Variants in ZNF599 observed in about 807,000 individuals in gnomAD.
ZNF599 encodes zinc finger protein 599.
ZNF599 carries 10 observed loss-of-function variants against 11.7 expected under a neutral mutation model. That is an observed-to-expected ratio of 0.86 (90% CI 0.53 to 1.45). ZNF599 has a LOEUF of 1.45. Ranked by LOEUF, ZNF599 falls within the 40% of genes most tolerant of loss-of-function variation. The probability of loss-of-function intolerance (pLI) is 0.00; values close to 1 mark genes in which losing one functional copy is unlikely to be tolerated. For synonymous variants in ZNF599, 232 were observed against 253.2 expected (o/e 0.92, Z 0.79); for missense variants, 688 against 713.6 (o/e 0.96, Z 0.41).
chr19:34,799,348 A>T, the ZNF599 span, among the ~76,000 whole-genome samples: 10 of 152,238 alleles, frequency 6.6e-5, no homozygotes, highest in African/African-American at 2.4e-4. Flanking sequence ...TCACTTAGCA[A>T]TATGTGTGTA....
chr19:34,768,456 A>G (rs2069159241), intron 2 of ZNF599, among the ~76,000 whole-genome samples: 1 of 152,260 alleles, frequency 6.6e-6, no homozygotes, highest in Non-Finnish European at 1.5e-5. Context: ...AACAACTGGA[A>G]TAAGTGAGAC....
At chr19:34,780,881 G>A in the ZNF599 span, among the ~76,000 whole-genome samples, 1 of 152,254 alleles carries the variant, frequency 6.6e-6, no homozygotes. Context: ...AAGGGGCCGG[G>A]TGCGGTGGTT....
the ZNF599 span, chr19:34,791,922 A>G: frequency 2.0e-5 from 3 of 152,258 alleles, no homozygotes; most frequent in African/African-American, 7.2e-5. Flanking sequence ...TACCCTGATC[A>G]TGGAGAAATA....
chr19:34,769,493 G>A lies in ZNF599; in HGVS notation c.81C>T (p.Asp27=), dbSNP rs761480261. 1.2e-6 allele frequency: 2 copies of A among 1,614,198 alleles called. No individual in the cohort carries two copies. The highest frequency in any genetic ancestry group is 8.5e-7 in the Non-Finnish European group (1 of 1,180,018). The change falls in exon 2 of 4, where the codon GAC becomes GAT. Residue 27 remains aspartate, a synonymous_variant. Coordinates refer to ENST00000329285, the MANE Select transcript of ZNF599 (RefSeq NM_001007248.3). The part of the protein sequence containing the change: ...TFTGEEWGHL[D]LAQRTLYQEV... The stretch of plus-strand genomic sequence containing the variant: ...CCTGGTACAGGGTCCTCTGGGCCAG[G>A]TCCAGGTGCCCCCATTCCTCTCCAG...
intron 1 of ZNF599, among the ~76,000 whole-genome samples, chr19:34,771,784 CCAGAA>C (rs1388169996): frequency 6.6e-6 from 1 of 152,020 alleles, no homozygotes; most frequent in Non-Finnish European, 1.5e-5. Flanking sequence ...TGGTACAGGC[CCAGAA>C]CAGAATAGTT....
Position 34,759,933 on chromosome 19 carries a change from T to A in ZNF599, c.868A>T (p.Lys290Ter). 4 of 1,614,174 alleles carry A rather than the reference T, an allele frequency of 2.5e-6. No individual in the cohort carries two copies. Among genetic ancestry groups the A allele is most frequent in the Non-Finnish European group, 2.5e-6 (3 of 1,180,026 alleles). The change falls in exon 4 of 4, where the codon AAA becomes TAA. Residue 290 changes from lysine (K) to a stop codon, truncating the protein, a stop_gained. Transcript: ENST00000329285. LOFTEE classifies it low-confidence loss of function (END_TRUNC). ...DKPYECKECGKAFTHRSSFIQ... is the reference protein window; with the variant it reads ...DKPYECKECG ...AAAGAAGAGCGGTGGGTGAATGCTT[T>A]GCCACATTCTTTGCACTCATAGGGC...
the ZNF599 span, among the ~76,000 whole-genome samples, chr19:34,784,479 G>T: frequency 6.6e-6 from 1 of 152,076 alleles, no homozygotes; most frequent in African/African-American, 2.4e-5. Flanking sequence ...ACCTTTGATG[G>T]CTCCCACTGG....
At chr19:34,778,437 A>G in the ZNF599 span, among the ~76,000 whole-genome samples, 2,065 of 152,270 alleles carry the variant, frequency 0.014, 40 homozygotes, top group South Asian at 0.083. Context: ...GAGAAAATCA[A>G]TGAAACTAGA....
intron 3 of ZNF599, chr19:34,765,342 C>T (rs767059362): frequency 9.4e-6 from 5 of 532,544 alleles, no homozygotes; most frequent in Admixed American, 3.1e-5. Flanking sequence ...CTGGAACATC[C>T]GTCTTGCTGG....
At chr19:34,782,237 T>C in the ZNF599 span, among the ~76,000 whole-genome samples, 1 of 152,122 alleles carries the variant, frequency 6.6e-6, no homozygotes, top group African/African-American at 2.4e-5. Context: ...CCTTGGCAGG[T>C]GAGTGGCCAG....
the ZNF599 span, among the ~76,000 whole-genome samples, chr19:34,780,554 GAGAGACAA>G: frequency 6.8e-6 from 1 of 147,580 alleles, no homozygotes; most frequent in African/African-American, 2.5e-5. Flanking sequence ...GAAGGAAGGA[GAGAGACAA>G]AGAGAGAAAG....
chr19:34,791,238 C>T, the ZNF599 span, among the ~76,000 whole-genome samples: 1 of 152,192 alleles, frequency 6.6e-6, no homozygotes, highest in Admixed American at 6.5e-5. Context: ...CAGTTTTTGT[C>T]AACAGAGTGG....
the ZNF599 span, among the ~76,000 whole-genome samples, chr19:34,793,486 G>A: frequency 1.3e-5 from 2 of 152,126 alleles, no homozygotes; most frequent in Non-Finnish European, 2.9e-5. Context: ...CTTCATAAAG[G>A]GAATCTTGTA....
the ZNF599 span, among the ~76,000 whole-genome samples, chr19:34,796,987 C>T: frequency 1.9e-4 from 29 of 149,704 alleles, no homozygotes; most frequent in South Asian, 1.1e-3. Context: ...CAACAGGCCC[C>T]GGTGTGTGAT....
rs758598319 is a variant in ZNF599 at position 34,760,121 on chromosome 19, T to C, written c.680A>G (p.Tyr227Cys). ...GGCTTTCCCACACTCATTGCACTCA[T>C]AGGGCTTCACTCCAGCATGAATCTG... Reference protein sequence around the residue: ...HQQIHAGVKPYECNECGKACR... With the variant: ...HQQIHAGVKPCECNECGKACR... The change falls in exon 4 of 4, where the codon TAT becomes TGT. Residue 227 changes from tyrosine to cysteine, a missense_variant. Transcript: ENST00000329285. The C allele has an allele frequency of 4.8e-5, 78 of 1,614,178 alleles. No homozygotes were observed. Among genetic ancestry groups the C allele is most frequent in the Middle Eastern group, 3.3e-4 (2 of 6,062 alleles).
At chr19:34,772,502 T>C (rs2069189742) in intron 1 of ZNF599, 3 of 1,270,728 alleles carry the variant, frequency 2.4e-6, no homozygotes, top group Non-Finnish European at 3.0e-6. Context: ...GTCACAAGCG[T>C]ACCCTCTCCA....
the ZNF599 span, among the ~76,000 whole-genome samples, chr19:34,782,368 G>A: frequency 2.1e-3 from 324 of 152,170 alleles, 2 homozygotes; most frequent in African/African-American, 7.6e-3. Flanking sequence ...GCCAAATAGT[G>A]ATCTTCTTAG....
At chr19:34,800,200 T>C in the ZNF599 span, among the ~76,000 whole-genome samples, 1 of 151,400 alleles carries the variant, frequency 6.6e-6, no homozygotes, top group African/African-American at 2.4e-5. Flanking sequence ...TACATACACA[T>C]TAAGGATTAT....
chr19:34,770,013 G>A (rs2069172198), intron 1 of ZNF599, among the ~76,000 whole-genome samples: 1 of 152,200 alleles, frequency 6.6e-6, no homozygotes, highest in South Asian at 2.1e-4. Context: ...TGCCAGATGT[G>A]TGACCTTGGA....
Sources: allele counts gnomAD v4.1 joint callset (sites outside exome capture counted in the v4.1 genomes callset), GRCh38; gene constraint gnomAD v4.1.1; transcripts MANE v1.5; gene names NCBI Gene and HGNC (gene_info 2026-07-23, HGNC 2026-07-21).